The following TELO2 variants were observed in gnomAD, a reference collection of about 807,000 sequenced individuals.
TELO2 encodes telomere length regulation protein TEL2 homolog.
In TELO2, 71 loss-of-function variants were observed where a neutral mutation model predicts 91.0. The ratio of observed to expected loss-of-function variants is 0.78; its 90% confidence interval spans 0.64 to 0.95. The LOEUF is 0.95. TELO2 is among the 40% of genes least tolerant of loss of function. TELO2 has a pLI of 0.00. For missense variants in TELO2, 1,183 were observed against 1,141.3 expected, an observed-to-expected ratio of 1.04 and a Z score of -0.53; for synonymous variants, 584 against 518.9, an observed-to-expected ratio of 1.13 and a Z score of -1.71.
Position 1,505,554 on chromosome 16 carries a change from G to T in TELO2, c.1987G>T (p.Val663Leu). Reference sequence around the variant, plus strand: ...CAGTGCCGTGGCGTCTGACTGGCGGGTGGTGGTGGAGGAGCGGATCAGAAG... The same window carrying T: ...CAGTGCCGTGGCGTCTGACTGGCGGTTGGTGGTGGAGGAGCGGATCAGAAG... ...PGSAVASDWR[V>L]VVEERIRSKT... is the part of the protein sequence containing the mutation. The change falls in exon 16 of 21, where the codon GTG becomes TTG. Residue 663 changes from valine to leucine, a missense_variant. Val to Leu is a conservative substitution (Grantham distance 32). Transcript: ENST00000262319. This position sits in a 1 kb window ranked among gnomAD's most constrained non-coding sequence, Gnocchi z 4.3. 1 of 1,612,896 alleles carries T rather than the reference G, an allele frequency of 6.2e-7. No homozygotes were observed. The highest frequency in any genetic ancestry group is 8.5e-7 in the Non-Finnish European group (1 of 1,179,942).
chr16:1,502,233 G>A (rs1014803770), intron 12 of TELO2, 80 bp from the exon 13 acceptor site: 93 of 1,574,508 alleles, frequency 5.9e-5, no homozygotes, highest in Middle Eastern at 1.9e-4. Context: ...CCTGGGCCCG[G>A]GGTGCCGCCC....
chr16:1,507,866 GTGTGTGT>G (rs2039965629), intron 20 of TELO2, 150 bp downstream of exon 20: 1 of 397,550 alleles, frequency 2.5e-6, no homozygotes, highest in Non-Finnish European at 4.2e-6. Flanking sequence ...GTGTGTGTGT[GTGTGTGT>G]GTGTGTGTGT....
rs1178817420 is a variant in TELO2 at position 1,494,181 on chromosome 16, G to C, written c.-36-65G>C. On this transcript the variant is annotated intron_variant, in intron 1 of 20. Coordinates refer to ENST00000262319, the MANE Select transcript of TELO2 (RefSeq NM_016111.4). The surrounding 1 kb of genome is among the most constrained non-coding windows in gnomAD (Gnocchi z 5.6). ...TGTGGGGTCTCGGGGCGCTCACCGA[G>C]GGGCTTCCTGAGCTTGTGTGGATTA... The C allele has an allele frequency of 9.2e-6, 11 of 1,189,602 alleles. No homozygotes were observed. The highest frequency in any genetic ancestry group is 1.2e-5 in the Non-Finnish European group (10 of 846,214). The allele number at this position is 1,189,602 out of a possible 1,614,324, so 73.7% of individuals were successfully genotyped here. A position where few individuals can be genotyped will look rare whatever the true frequency, so the allele number is the denominator to read the frequency against.
chr16:1,506,157 T>C, intron 16 of TELO2, 81 bp from the exon 17 acceptor site: 1 of 1,493,378 alleles, frequency 6.7e-7, no homozygotes, highest in Non-Finnish European at 9.2e-7. Flanking sequence ...CACGCTGCTT[T>C]GTGGGATCCT....
At position 1,500,227 on chromosome 16, in the gene TELO2, C is replaced by G. The variant is rs2039627953; in HGVS notation, c.1002+63C>G. On this transcript the variant is annotated intron_variant, in intron 7 of 20. Coordinates refer to ENST00000262319, the MANE Select transcript of TELO2 (RefSeq NM_016111.4). ...GGGAGAAGAGCCGTGCGGGGCTCAC[C>G]TTTTGGGCGGCAGGGTGAGGCTGGC... 3.2e-6 allele frequency: 5 copies of G among 1,542,380 alleles called. No individual in the cohort carries two copies. In the Admixed American group the frequency reaches 7.7e-5, roughly 24 times the overall value.
chr16:1,500,294 C>T (rs1450482465), intron 7 of TELO2, 53 bp from the exon 8 acceptor site: 111 of 1,537,508 alleles, frequency 7.2e-5, no homozygotes, highest in Non-Finnish European at 8.6e-5. Context: ...GTGGGCCTGG[C>T]GGGGACAGAC....
rs1567305161 is a variant in TELO2, at chr16:1,505,755, G to A, written c.2034+154G>A. 6.6e-6 allele frequency among the ~76,000 whole-genome samples: 1 copy of A among 152,210 alleles called. No homozygotes were observed. Among genetic ancestry groups the A allele is most frequent in the Non-Finnish European group, 1.5e-5 (1 of 68,032 alleles). ...GGATTCCTGAAAGGCAGGGTCCATG[G>A]TTTGCACCGAGGAACTGGATTTTGG... On this transcript the variant is annotated intron_variant, in intron 16 of 20. Transcript: ENST00000262319. The surrounding 1 kb of genome is among the most constrained non-coding windows in gnomAD (Gnocchi z 4.3).
chr16:1,502,477 C>G, intron 13 of TELO2, 73 bp downstream of exon 13: 1 of 1,530,608 alleles, frequency 6.5e-7, no homozygotes, highest in Non-Finnish European at 8.8e-7. Flanking sequence ...GTCCTGGCCA[C>G]TGAGGGTGAC....
In TELO2 at chr16:1,497,032, C is replaced by T. The variant is rs1432801204; in HGVS notation, c.614-4C>T. ...TCCTCATCAGGCCTCCCTTTCTGTC[C>T]CAGGTGGCCTGGATTCCTCCGTGTC... On this transcript the variant is annotated splice_polypyrimidine_tract_variant and splice_region_variant and intron_variant, in intron 3 of 20. Coordinates refer to ENST00000262319, the MANE Select transcript of TELO2 (RefSeq NM_016111.4). This position sits in a 1 kb window ranked among gnomAD's most constrained non-coding sequence, Gnocchi z 4.0. 1 of 1,613,804 alleles carries T rather than the reference C, an allele frequency of 6.2e-7. No individual in the cohort carries two copies.
intron 5 of TELO2, 95 bp from the exon 6 acceptor site, chr16:1,499,136 G>A: frequency 7.6e-7 from 1 of 1,315,368 alleles, no homozygotes; most frequent in Non-Finnish European, 1.1e-6. Context: ...CAGGCCGGGA[G>A]TCAGGCCGCC....
Position 1,506,880 on chromosome 16 carries a change from A to T in TELO2, c.2127-72A>T, listed in dbSNP as rs1259615388. ...CTGTGTGGGGCTCCCTCGGTCTCCCACGGTGGCCCAGGAGGTTGGGGACCT... is the reference window on the plus strand; with the variant it reads ...CTGTGTGGGGCTCCCTCGGTCTCCCTCGGTGGCCCAGGAGGTTGGGGACCT... On this transcript the variant is annotated intron_variant, in intron 17 of 20. Transcript: ENST00000262319. 2.0e-6 allele frequency: 3 copies of T among 1,491,642 alleles called. No individual in the cohort carries two copies. The Admixed American group carries it at 6.7e-5, about 33-fold the overall frequency. 92.4% of individuals were successfully genotyped at this position (1,491,642 alleles called of 1,614,324 possible). A position where few individuals can be genotyped will look rare whatever the true frequency, so the allele number is the denominator to read the frequency against.
At position 1,505,964 on chromosome 16, in the gene TELO2, GCCCAGGGCGGCCT is replaced by G. The variant is rs747306148; in HGVS notation, c.2035-270_2035-258del. Among the ~76,000 whole-genome samples, 43 of 152,304 alleles carry G rather than the reference GCCCAGGGCGGCCT, an allele frequency of 2.8e-4. No homozygotes were observed. Among genetic ancestry groups the G allele is most frequent in the Non-Finnish European group, 5.7e-4 (39 of 68,000 alleles). ...GGAGGCCACGGAGGCATCCTGCAGT[GCCCAGGGCGGCCT>G]CCCCAGGACGCTCCTCCAGCCTTGA... On this transcript the variant is annotated intron_variant, in intron 16 of 20. Transcript: ENST00000262319. This position sits in a 1 kb window ranked among gnomAD's most constrained non-coding sequence, Gnocchi z 4.3.
At chr16:1,496,600 C>G (rs1298544670) in intron 3 of TELO2, among the ~76,000 whole-genome samples, 1 of 152,206 alleles carries the variant, frequency 6.6e-6, no homozygotes, top group African/African-American at 2.4e-5. Flanking sequence ...CTGGTACAGC[C>G]CGGCCCCTCC....
chr16:1,510,232 G>A lies in TELO2; in HGVS notation c.*296G>A. The A allele has an allele frequency of 2.3e-6, 1 of 429,092 alleles. No homozygotes were observed. The highest frequency in any genetic ancestry group is 4.3e-6 in the Non-Finnish European group (1 of 230,542). The allele number at this position is 429,092 out of a possible 1,614,324, so 26.6% of individuals were successfully genotyped here. On this transcript the variant is annotated 3_prime_UTR_variant, in exon 21 of 21. Transcript: ENST00000262319. Reference sequence around the variant, plus strand: ...CAGTGAGGGCAGAACCAGGCTGGCAGGAGGGGAGGACGGTGTACCTGCTGC... The same window carrying A: ...CAGTGAGGGCAGAACCAGGCTGGCAAGAGGGGAGGACGGTGTACCTGCTGC...
rs2039542353 is a variant in TELO2 at position 1,497,646 on chromosome 16, G to A, written c.830+138G>A. The A allele has an allele frequency of 2.4e-6, 3 of 1,243,628 alleles. No individual in the cohort carries two copies. Among genetic ancestry groups the A allele is most frequent in the Non-Finnish European group, 3.2e-6 (3 of 925,756 alleles). 77.0% of individuals were successfully genotyped at this position (1,243,628 alleles called of 1,614,324 possible). On this transcript the variant is annotated intron_variant, in intron 5 of 20. Transcript: ENST00000262319. The surrounding 1 kb of genome is among the most constrained non-coding windows in gnomAD (Gnocchi z 4.0). The stretch of plus-strand genomic sequence containing the variant: ...ATGTAGGTGCCACAGGGTGTGGGTG[G>A]TGCCCTCTCAGTTCCCGCACGTGCT...
chr16:1,507,889 T>TGTGTGGGG, intron 20 of TELO2, among the ~76,000 whole-genome samples, 173 bp downstream of exon 20: 1 of 77,228 alleles, frequency 1.3e-5, no homozygotes, highest in African/African-American at 6.1e-5. Context: ...TGTGTGTGTG[T>TGTGTGGGG]GTGTGATGTG....
At chr16:1,500,053 C>A (rs201879267) in intron 6 of TELO2, 43 bp from the exon 7 acceptor site, 2 of 1,579,838 alleles carry the variant, frequency 1.3e-6, no homozygotes, top group Non-Finnish European at 1.7e-6. Context: ...GCTGGCCAGG[C>A]GGCGGCCTCA....
Position 1,495,633 on chromosome 16 carries a change from T to C in TELO2, c.613+10T>C. 6.4e-7 allele frequency: 1 copy of C among 1,574,662 alleles called. No homozygotes were observed. The highest frequency in any genetic ancestry group is 8.7e-7 in the Non-Finnish European group (1 of 1,155,870). ...GTGGACTCTCTCCAAGGTGAGGCCC[T>C]GCCTCGGGGACCCCCTTTGCCACCC... On this transcript the variant is annotated intron_variant, in intron 3 of 20. Coordinates refer to ENST00000262319, the MANE Select transcript of TELO2 (RefSeq NM_016111.4).
Position 1,494,669 on chromosome 16 carries a change from A to G in TELO2, c.335+53A>G. The G allele has an allele frequency of 6.5e-7, 1 of 1,534,882 alleles. No homozygotes were observed. The highest frequency in any genetic ancestry group is 8.8e-7 in the Non-Finnish European group (1 of 1,137,066). On this transcript the variant is annotated intron_variant, in intron 2 of 20. Transcript: ENST00000262319. This position sits in a 1 kb window ranked among gnomAD's most constrained non-coding sequence, Gnocchi z 5.6. Reference sequence around the variant, plus strand: ...TGCCGGTAGCCTCAGAAGTGATGAGAGTGGCTTGAAGGACTGGACCAAGAG... The same window carrying G: ...TGCCGGTAGCCTCAGAAGTGATGAGGGTGGCTTGAAGGACTGGACCAAGAG...
Sources: allele counts gnomAD v4.1 joint callset (sites outside exome capture counted in the v4.1 genomes callset), GRCh38; gene constraint gnomAD v4.1.1; non-coding constraint Gnocchi (gnomAD v3.1); transcripts MANE v1.5; gene names NCBI Gene and HGNC (gene_info 2026-07-23, HGNC 2026-07-21).